Variants in INSR observed in about 807,000 individuals in gnomAD.
The protein encoded by INSR is insulin receptor.
In INSR, 67 loss-of-function variants were observed where a neutral mutation model predicts 142.6. That is an observed-to-expected ratio of 0.47 (90% CI 0.39 to 0.58). INSR has a LOEUF of 0.58. Ranked by LOEUF, INSR falls within the 20% of genes least tolerant of loss-of-function variation. The pLI, the probability that INSR is intolerant of heterozygous loss-of-function variation, is 0.00. For synonymous variants in INSR, 756 were observed against 743.1 expected, an observed-to-expected ratio of 1.02 and a Z score of -0.28; for missense variants, 1,248 against 1,833.2, an observed-to-expected ratio of 0.68 and a Z score of 5.83.
In INSR at chr19:7,185,311, T is replaced by C. The variant is rs574582993; in HGVS notation, c.653-674A>G. On this transcript the variant is annotated intron_variant, in intron 2 of 21. Transcript: ENST00000302850. ...TGGCTCCAGCAAGCCAACTCCAGCA[T>C]GCTGCTGCACCCCACATGTGAAGTA... Among the ~76,000 whole-genome samples, 7 of 152,366 alleles carry C rather than the reference T, an allele frequency of 4.6e-5. No homozygotes were observed. In the East Asian group the frequency reaches 1.3e-3, roughly 29 times the overall value.
intron 2 of INSR, among the ~76,000 whole-genome samples, chr19:7,199,560 CT>C (rs3084138): frequency 1.1e-3 from 86 of 78,688 alleles, no homozygotes; most frequent in African/African-American, 3.3e-3. Flanking sequence ...ACTGCGACAG[CT>C]TTTTTTTTTT....
At chr19:7,173,831 A>G (rs1372467506) in intron 4 of INSR, among the ~76,000 whole-genome samples, 1 of 150,800 alleles carries the variant, frequency 6.6e-6, no homozygotes, top group Non-Finnish European at 1.5e-5. Context: ...CATGTTGGCC[A>G]GGCTGGTCTT....
chr19:7,146,750 A>G (rs1410426226), intron 11 of INSR, among the ~76,000 whole-genome samples: 1 of 152,196 alleles, frequency 6.6e-6, no homozygotes, highest in East Asian at 1.9e-4. Flanking sequence ...AAGGTTCATA[A>G]CCACTTAATT....
chr19:7,181,339 T>C (rs1473726670), intron 3 of INSR, among the ~76,000 whole-genome samples: 2 of 152,108 alleles, frequency 1.3e-5, no homozygotes, highest in African/African-American at 4.8e-5. Flanking sequence ...GATGGTGAAA[T>C]AGATGGAGGT....
intron 2 of INSR, among the ~76,000 whole-genome samples, chr19:7,260,861 T>C (rs1278082848): frequency 1.3e-5 from 2 of 151,230 alleles, no homozygotes; most frequent in Non-Finnish European, 2.9e-5. Flanking sequence ...AAGCCGGTGC[T>C]GCTTGCCTCA....
rs1357114136 is a variant in INSR at position 7,153,027 on chromosome 19, CA to C, written c.2030-101del. On this transcript the variant is annotated intron_variant, in intron 9 of 21. Coordinates refer to ENST00000302850, the MANE Select transcript of INSR (RefSeq NM_000208.4). The stretch of plus-strand genomic sequence containing the variant: ...ACACACACACACCACACACACACAC[CA>C]CACACACACACACCACACACCCCCC... The C allele has an allele frequency of 7.2e-5, 32 of 442,088 alleles. 1 individual carries two copies. In the African/African-American group the frequency reaches 2.0e-3, roughly 28 times the overall value. The allele number at this position is 442,088 out of a possible 1,614,324, so 27.4% of individuals were successfully genotyped here.
chr19:7,229,189 G>GTAGATGAA (rs1975878042), intron 2 of INSR, among the ~76,000 whole-genome samples: 1 of 60,338 alleles, frequency 1.7e-5, no homozygotes, highest in African/African-American at 8.1e-5. Flanking sequence ...GAATGGGTGA[G>GTAGATGAA]TGGATGAATG....
intron 1 of INSR, among the ~76,000 whole-genome samples, chr19:7,276,515 A>T (rs1968067788): frequency 6.6e-6 from 1 of 151,868 alleles, no homozygotes; most frequent in African/African-American, 2.4e-5. Flanking sequence ...CATTCTTTCC[A>T]GTCCTCAAAC....
At chr19:7,226,620 C>T (rs534851105) in intron 2 of INSR, among the ~76,000 whole-genome samples, 5 of 149,708 alleles carry the variant, frequency 3.3e-5, no homozygotes, top group Non-Finnish European at 5.9e-5. Context: ...CCCAGCTACT[C>T]GGGAAGCTGA....
intron 1 of INSR, among the ~76,000 whole-genome samples, chr19:7,289,859 C>T (rs1394080415): frequency 6.6e-6 from 1 of 152,116 alleles, no homozygotes; most frequent in Admixed American, 6.6e-5. Context: ...CCTCCCAGGA[C>T]CACATGGGTG....
At chr19:7,273,123 A>T (rs1161512203) in intron 1 of INSR, among the ~76,000 whole-genome samples, 1 of 152,188 alleles carries the variant, frequency 6.6e-6, no homozygotes, top group South Asian at 2.1e-4. Context: ...GCACACTTAA[A>T]ATGGGTGAAT....
At chr19:7,198,185 G>C (rs1434250870) in intron 2 of INSR, among the ~76,000 whole-genome samples, 1 of 151,708 alleles carries the variant, frequency 6.6e-6, no homozygotes, top group Non-Finnish European at 1.5e-5. Flanking sequence ...CGGGGAATCC[G>C]GCCCCGGCGG....
intron 9 of INSR, among the ~76,000 whole-genome samples, chr19:7,161,949 G>A (rs1420369267): frequency 6.6e-6 from 1 of 152,038 alleles, no homozygotes; most frequent in Non-Finnish European, 1.5e-5. Context: ...TTGGGAGGCT[G>A]AGGGGGGTGA....
chr19:7,277,791 T>TCTCAAAAAA (rs1968104457), intron 1 of INSR, among the ~76,000 whole-genome samples: 3 of 136,568 alleles, frequency 2.2e-5, no homozygotes, highest in East Asian at 2.2e-4. Flanking sequence ...AGTGAGACAC[T>TCTCAAAAAA]ATTTCTAAAA....
rs867243122 is a variant in INSR at position 7,267,205 on chromosome 19, C to A, written c.652+140G>T. 2 of 849,972 alleles carry A rather than the reference C, an allele frequency of 2.4e-6. No individual in the cohort carries two copies. Among genetic ancestry groups the A allele is most frequent in the Non-Finnish European group, 3.9e-6 (2 of 516,556 alleles). 52.7% of individuals were successfully genotyped at this position (849,972 alleles called of 1,614,324 possible). A position where few individuals can be genotyped will look rare whatever the true frequency, so the allele number is the denominator to read the frequency against. ...GTCTTTACAGAAAATGTCTGCCACTCCCTGGGCTAGTGAATGCCACCACCC... is the reference window on the plus strand; with the variant it reads ...GTCTTTACAGAAAATGTCTGCCACTACCTGGGCTAGTGAATGCCACCACCC... On this transcript the variant is annotated intron_variant, in intron 2 of 21. Transcript: ENST00000302850. This position sits in a 1 kb window ranked among gnomAD's most constrained non-coding sequence, Gnocchi z 6.3.
chr19:7,203,004 T>TG (rs1975010068), intron 2 of INSR, among the ~76,000 whole-genome samples: 2 of 96,022 alleles, frequency 2.1e-5, no homozygotes, highest in African/African-American at 9.1e-5. Context: ...TTGTTTTTTT[T>TG]TTTTTTTTTT....
chr19:7,285,225 C>T (rs537240006), intron 1 of INSR, among the ~76,000 whole-genome samples: 5 of 151,612 alleles, frequency 3.3e-5, no homozygotes, highest in South Asian at 2.1e-4. Context: ...CTGAAGTGGG[C>T]GGATCACTTG....
intron 2 of INSR, among the ~76,000 whole-genome samples, chr19:7,250,332 G>C (rs1976672666): frequency 6.8e-6 from 1 of 147,386 alleles, no homozygotes; most frequent in Admixed American, 6.9e-5. Context: ...GGAAGAGAGA[G>C]AAAAAGAAAG....
At chr19:7,145,349 G>A (rs926695850) in intron 11 of INSR, among the ~76,000 whole-genome samples, 3 of 151,910 alleles carry the variant, frequency 2.0e-5, no homozygotes, top group South Asian at 2.1e-4. Context: ...ATTATGAGTT[G>A]TGCTAAGGTT....
Sources: gnomAD v4.1 joint callset for allele counts (sites outside exome capture counted in the v4.1 genomes callset) on GRCh38, gnomAD v4.1.1 for gene constraint, Gnocchi (gnomAD v3.1) non-coding constraint, MANE v1.5 for transcripts, NCBI Gene and HGNC (gene_info 2026-07-23, HGNC 2026-07-21) for gene names.